ANAPC10: variants seen among roughly 807,000 people sequenced by gnomAD.
The protein encoded by ANAPC10 is anaphase promoting complex subunit 10.
In ANAPC10, 12 loss-of-function variants were observed where a neutral mutation model predicts 22.0. That is an observed-to-expected ratio of 0.55 (90% CI 0.35 to 0.88). The LOEUF is 0.88. ANAPC10 is among the 40% of genes least tolerant of loss of function. ANAPC10 has a pLI of 0.01. For synonymous variants in ANAPC10, 65 were observed against 69.5 expected (o/e 0.94, Z 0.32); for missense variants, 188 against 220.9 (o/e 0.85, Z 0.94).
intron 4 of ANAPC10, among the ~76,000 whole-genome samples, chr4:145,039,295 T>C (rs185677599): frequency 7.0e-4 from 106 of 152,328 alleles, no homozygotes; most frequent in African/African-American, 2.4e-3. Flanking sequence ...CGCAATCCTA[T>C]GTAGGTAATG....
chr4:145,085,413 T>A (rs1461849349), intron 2 of ANAPC10, among the ~76,000 whole-genome samples: 1 of 152,140 alleles, frequency 6.6e-6, no homozygotes, highest in Non-Finnish European at 1.5e-5. Context: ...TTTAATGTTC[T>A]ATTGATTAAA....
intron 3 of ANAPC10, among the ~76,000 whole-genome samples, chr4:145,066,896 C>CT (rs1743780078): frequency 6.6e-6 from 1 of 152,064 alleles, no homozygotes; most frequent in African/African-American, 2.4e-5. Context: ...CCAAAACTTC[C>CT]TTTTAATTAA....
chr4:145,073,098 C>G (rs998705670), intron 3 of ANAPC10, among the ~76,000 whole-genome samples: 9 of 152,126 alleles, frequency 5.9e-5, no homozygotes, highest in Non-Finnish European at 1.2e-4. Flanking sequence ...CTTGCTTTAT[C>G]TCTCAGGCCA....
Position 145,026,957 on chromosome 4 carries a change from G to GTATA in ANAPC10, c.328-31358_328-31355dup. 1.6e-3 allele frequency among the ~76,000 whole-genome samples: 30 copies of GTATA among 18,348 alleles called. 2 individuals are homozygous for GTATA. Among genetic ancestry groups the GTATA allele is most frequent in the African/African-American group, 7.5e-3 (26 of 3,462 alleles). The allele number at this position is 18,348 out of a possible 152,430, so 12.0% of individuals were successfully genotyped here. A position where few individuals can be genotyped will look rare whatever the true frequency, so the allele number is the denominator to read the frequency against. On this transcript the variant is annotated intron_variant, in intron 4 of 4. Transcript: ENST00000507656. ...TATATATATATATATGTGTGTGTGTGTATATATATATATATATATATATAT... is the reference window on the plus strand; with the variant it reads ...TATATATATATATATGTGTGTGTGTGTATATATATATATATATATATATATATAT...
intron 4 of ANAPC10, among the ~76,000 whole-genome samples, chr4:145,040,778 T>C (rs1196770488): frequency 6.6e-6 from 1 of 152,078 alleles, no homozygotes; most frequent in Non-Finnish European, 1.5e-5. Flanking sequence ...TATTCTAAGA[T>C]AAGTACAAGT....
At chr4:145,075,771 C>T (rs1745104122) in intron 3 of ANAPC10, among the ~76,000 whole-genome samples, 2 of 152,158 alleles carry the variant, frequency 1.3e-5, no homozygotes, top group African/African-American at 4.8e-5. Context: ...GGGAGTGCTG[C>T]TTGGAGAGTT....
intron 4 of ANAPC10, among the ~76,000 whole-genome samples, chr4:145,048,316 A>G (rs899102892): frequency 9.2e-5 from 14 of 152,182 alleles, no homozygotes; most frequent in Non-Finnish European, 1.5e-4. Flanking sequence ...TGGGCCCTGA[A>G]AAGAAATATG....
intron 4 of ANAPC10, 55 bp downstream of exon 4, chr4:145,064,517 T>G: frequency 6.9e-7 from 1 of 1,449,242 alleles, no homozygotes; most frequent in South Asian, 1.3e-5. Flanking sequence ...TGTGACTATC[T>G]TCTAATGAGT....
intron 4 of ANAPC10, among the ~76,000 whole-genome samples, chr4:145,052,636 A>T (rs935763112): frequency 5.3e-5 from 8 of 152,288 alleles, no homozygotes; most frequent in African/African-American, 1.9e-4. Context: ...GCGGTGGCTC[A>T]TGCCTATAAT....
At chr4:145,089,818 C>A (rs867724359) in intron 2 of ANAPC10, among the ~76,000 whole-genome samples, 2 of 152,208 alleles carry the variant, frequency 1.3e-5, no homozygotes, top group Middle Eastern at 3.4e-3. Context: ...TGATTTATCG[C>A]GTCTCCTGAT....
intron 2 of ANAPC10, among the ~76,000 whole-genome samples, chr4:145,084,151 A>G (rs143242772): frequency 6.6e-5 from 10 of 152,242 alleles, no homozygotes; most frequent in Admixed American, 3.9e-4. Context: ...TATGGATATT[A>G]ACACTATGTC....
chr4:145,039,647 T>C (rs1207979225), intron 4 of ANAPC10, among the ~76,000 whole-genome samples: 2 of 151,998 alleles, frequency 1.3e-5, no homozygotes, highest in Admixed American at 6.6e-5. Context: ...CTGGCTGGAG[T>C]GCAGTGGCTA....
chr4:145,066,844 T>C (rs868160440), intron 3 of ANAPC10, among the ~76,000 whole-genome samples: 3 of 152,010 alleles, frequency 2.0e-5, no homozygotes, highest in African/African-American at 4.8e-5. Context: ...GAGGGAACAG[T>C]TGAAATTAAA....
rs189032114 is a variant in ANAPC10, at chr4:145,067,034, G to A, written c.207-2342C>T. On this transcript the variant is annotated intron_variant, in intron 3 of 4. Coordinates refer to ENST00000507656, the MANE Select transcript of ANAPC10 (RefSeq NM_001256706.2). Reference sequence around the variant, plus strand: ...GTTCACGTACCCACAGAAATCGTACGTATAATTTGCTATATACATAGTTTC... The same window carrying A: ...GTTCACGTACCCACAGAAATCGTACATATAATTTGCTATATACATAGTTTC... Among the ~76,000 whole-genome samples the A allele has an allele frequency of 3.6e-5, 5 of 137,174 alleles. No individual in the cohort carries two copies. In the East Asian group the frequency reaches 6.0e-4, roughly 16 times the overall value. The allele number at this position is 137,174 out of a possible 152,430, so 90.0% of individuals were successfully genotyped here.
At chr4:145,050,954 A>C (rs921415488) in intron 4 of ANAPC10, among the ~76,000 whole-genome samples, 2 of 152,198 alleles carry the variant, frequency 1.3e-5, no homozygotes, top group Non-Finnish European at 2.9e-5. Context: ...TAGCACGTTT[A>C]ATTTCCGTCA....
intron 4 of ANAPC10, among the ~76,000 whole-genome samples, chr4:145,015,216 T>C (rs1734922014): frequency 6.6e-6 from 1 of 151,886 alleles, no homozygotes; most frequent in Non-Finnish European, 1.5e-5. Context: ...GGAGAGATAT[T>C]CAAGGAAATA....
At chr4:144,998,512 T>C (rs1002007866) in intron 4 of ANAPC10, among the ~76,000 whole-genome samples, 3 of 152,192 alleles carry the variant, frequency 2.0e-5, no homozygotes, top group Non-Finnish European at 2.9e-5. Context: ...TGCTCCTGAA[T>C]GACTACTGGG....
At chr4:145,050,352 T>C (rs1740919994) in intron 4 of ANAPC10, among the ~76,000 whole-genome samples, 1 of 152,244 alleles carries the variant, frequency 6.6e-6, no homozygotes, top group Admixed American at 6.5e-5. Flanking sequence ...AGATGTGCTG[T>C]CATCCAGGCT....
At chr4:145,078,896 A>T (rs1261702262) in intron 3 of ANAPC10, among the ~76,000 whole-genome samples, 2 of 152,216 alleles carry the variant, frequency 1.3e-5, no homozygotes, top group Non-Finnish European at 2.9e-5. Context: ...TAAAAGACCT[A>T]AATGTAAAAC....
Sources: allele counts gnomAD v4.1 joint callset (sites outside exome capture counted in the v4.1 genomes callset), GRCh38; gene constraint gnomAD v4.1.1; transcripts MANE v1.5; gene names NCBI Gene and HGNC (gene_info 2026-07-23, HGNC 2026-07-21).